SNRK: variants seen among roughly 807,000 people sequenced by gnomAD.
SNRK encodes SNF related kinase, also known as SNF-related serine/threonine-protein kinase.
A neutral mutation model predicts 48.2 loss-of-function variants in SNRK; 3 were observed. The observed-to-expected ratio is 0.06, with a 90% CI of 0.03 to 0.16. SNRK has a LOEUF of 0.16. SNRK is among the 10% of genes least tolerant of loss of function. SNRK has a pLI of 1.00. For missense variants in SNRK, 627 were observed against 976.0 expected, an observed-to-expected ratio of 0.64 and a Z score of 4.76; for synonymous variants, 376 against 366.1, an observed-to-expected ratio of 1.03 and a Z score of -0.31.
intron 3 of SNRK, among the ~76,000 whole-genome samples, chr3:43,311,602 A>G (rs1053268650): frequency 6.6e-6 from 1 of 152,184 alleles, no homozygotes; most frequent in Non-Finnish European, 1.5e-5. Context: ...TTCCTGTGGT[A>G]GAGTGCAGTG....
chr3:43,292,826 T>G (rs1021923541), intron 1 of SNRK, among the ~76,000 whole-genome samples: 8 of 152,198 alleles, frequency 5.3e-5, no homozygotes, highest in Non-Finnish European at 1.2e-4. Flanking sequence ...GGCTCACTTG[T>G]GTAATTATTT....
intron 4 of SNRK, among the ~76,000 whole-genome samples, chr3:43,336,399 A>T (rs1023510130): frequency 6.6e-6 from 1 of 151,810 alleles, no homozygotes. Flanking sequence ...AAAATCATAC[A>T]TAGCTCACTG....
chr3:43,290,518 C>T (rs1304049703), intron 1 of SNRK, among the ~76,000 whole-genome samples: 1 of 152,184 alleles, frequency 6.6e-6, no homozygotes, highest in South Asian at 2.1e-4. Context: ...TTCTTGGATT[C>T]TACTTCCAAA....
At chr3:43,289,511 T>G (rs1032906532) in intron 1 of SNRK, among the ~76,000 whole-genome samples, 2 of 152,202 alleles carry the variant, frequency 1.3e-5, no homozygotes, top group African/African-American at 4.8e-5. Flanking sequence ...TGGTATAAAA[T>G]TCCTCAGATT....
intron 1 of SNRK, among the ~76,000 whole-genome samples, chr3:43,296,380 A>T (rs902648938): frequency 6.9e-6 from 1 of 144,370 alleles, no homozygotes; most frequent in African/African-American, 2.5e-5. Flanking sequence ...GCAAAAACTC[A>T]ACTTTTAGTT....
In SNRK at chr3:43,349,465, A is replaced by T. The variant is rs970639878; in HGVS notation, c.*908A>T. 29 of 152,058 alleles carry T rather than the reference A, an allele frequency of 1.9e-4. No individual in the cohort carries two copies. Among genetic ancestry groups the T allele is most frequent in the African/African-American group, 6.6e-4 (27 of 41,206 alleles). The allele number at this position is 152,058 out of a possible 1,614,324, so 9.4% of individuals were successfully genotyped here. On this transcript the variant is annotated 3_prime_UTR_variant, in exon 7 of 7. Transcript: ENST00000296088. ...GCACACAAATGTTGGCAAAGTCAAAACCCCATGAATTAAAACCTACTGGAA... is the reference window on the plus strand; with the variant it reads ...GCACACAAATGTTGGCAAAGTCAAATCCCCATGAATTAAAACCTACTGGAA...
chr3:43,347,184 G>C lies in SNRK; in HGVS notation c.1080-155G>C. 1.4e-6 allele frequency: 1 copy of C among 720,242 alleles called. No individual in the cohort carries two copies. The highest frequency in any genetic ancestry group is 2.2e-6 in the Non-Finnish European group (1 of 463,590). 44.6% of individuals were successfully genotyped at this position (720,242 alleles called of 1,614,324 possible). A position where few individuals can be genotyped will look rare whatever the true frequency, so the allele number is the denominator to read the frequency against. On this transcript the variant is annotated intron_variant, in intron 6 of 6. Transcript: ENST00000296088. This position sits in a 1 kb window ranked among gnomAD's most constrained non-coding sequence, Gnocchi z 5.4. ...CCACATTTGCCCTTCTGGTGGCCTTGCTGATGTTTACAGGATGTTGAATGG... is the reference window on the plus strand; with the variant it reads ...CCACATTTGCCCTTCTGGTGGCCTTCCTGATGTTTACAGGATGTTGAATGG...
At chr3:43,332,709 A>G (rs1188801171) in intron 4 of SNRK, 1 of 154,212 alleles carries the variant, frequency 6.5e-6, no homozygotes, top group Admixed American at 6.5e-5. Flanking sequence ...GAGTTAGGGC[A>G]TTTTCTTTCC....
In SNRK at chr3:43,347,585, G is replaced by A. The variant is rs751370958; in HGVS notation, c.1326G>A (p.Leu442=). Residue 442 remains leucine, a synonymous_variant, in exon 7 of 7, where the codon CTG becomes CTA. Transcript: ENST00000296088. The surrounding 1 kb of genome is among the most constrained non-coding windows in gnomAD (Gnocchi z 5.4). ...CCACAGCCAGTGGGCGGAAGTGTCT[G>A]TTCAGGGTGGAAGAAGATGAAGAGG... ...LKPTASGRKC[L]FRVEEDEEED... 6.2e-7 allele frequency: 1 copy of A among 1,614,070 alleles called. No individual in the cohort carries two copies. The highest frequency in any genetic ancestry group is 8.5e-7 in the Non-Finnish European group (1 of 1,180,020).
chr3:43,347,197 G>C lies in SNRK; in HGVS notation c.1080-142G>C, dbSNP rs1454793605. ...TCTGGTGGCCTTGCTGATGTTTACA[G>C]GATGTTGAATGGGTTTGCAAGGCTG... On this transcript the variant is annotated intron_variant, in intron 6 of 6. Transcript: ENST00000296088. The surrounding 1 kb of genome is among the most constrained non-coding windows in gnomAD (Gnocchi z 5.4). 4 of 834,054 alleles carry C rather than the reference G, an allele frequency of 4.8e-6. No homozygotes were observed. The highest frequency in any genetic ancestry group is 7.2e-6 in the Non-Finnish European group (4 of 556,580). 51.7% of individuals were successfully genotyped at this position (834,054 alleles called of 1,614,324 possible).
At chr3:43,325,890 T>C (rs2091093328) in intron 3 of SNRK, among the ~76,000 whole-genome samples, 2 of 152,130 alleles carry the variant, frequency 1.3e-5, no homozygotes, top group Non-Finnish European at 2.9e-5. Flanking sequence ...CTCTGAAGCT[T>C]TAGGCCAGGC....
intron 3 of SNRK, among the ~76,000 whole-genome samples, chr3:43,324,270 G>A (rs1449441403): frequency 6.6e-6 from 1 of 152,186 alleles, no homozygotes; most frequent in African/African-American, 2.4e-5. Context: ...AGCACTTTGG[G>A]AGGCCAAGGC....
intron 3 of SNRK, among the ~76,000 whole-genome samples, chr3:43,322,370 C>A (rs1277889899): frequency 6.6e-6 from 1 of 152,002 alleles, no homozygotes; most frequent in Non-Finnish European, 1.5e-5. Context: ...AAGAAAGAGT[C>A]ATAAGAAAAA....
intron 3 of SNRK, among the ~76,000 whole-genome samples, chr3:43,325,438 T>C (rs1363770800): frequency 6.6e-6 from 1 of 152,214 alleles, no homozygotes; most frequent in African/African-American, 2.4e-5. Flanking sequence ...GTGCTGGGAT[T>C]ACAGGTGTGA....
rs2091289263 is a variant in SNRK, at chr3:43,347,843, G to T, written c.1584G>T (p.Arg528=). ...GTACAGTTCACAAACGCTACCACCG[G>T]AGGAAAAGTCAGGGCCGGGGCTCCA... is the stretch of plus-strand genomic sequence containing the variant. ...SPGTVHKRYH[R]RKSQGRGSSC... is the part of the protein sequence containing the mutation. Residue 528 remains arginine (R), a synonymous_variant, in exon 7 of 7, where the codon CGG becomes CGT. Transcript: ENST00000296088. The surrounding 1 kb of genome is among the most constrained non-coding windows in gnomAD (Gnocchi z 5.4). 6.2e-7 allele frequency: 1 copy of T among 1,614,072 alleles called. No homozygotes were observed. Among genetic ancestry groups the T allele is most frequent in the Admixed American group, 1.7e-5 (1 of 60,012 alleles).
chr3:43,298,125 C>T (rs192921784), intron 1 of SNRK, among the ~76,000 whole-genome samples: 1 of 152,116 alleles, frequency 6.6e-6, no homozygotes, highest in Admixed American at 6.5e-5. Flanking sequence ...TCGTTTGATC[C>T]TCACCATATC....
chr3:43,335,562 C>T (rs1470545447), intron 4 of SNRK, among the ~76,000 whole-genome samples: 2 of 152,148 alleles, frequency 1.3e-5, no homozygotes, highest in East Asian at 3.8e-4. Context: ...TGGAGTTCTG[C>T]ATAAATCCTT....
intron 3 of SNRK, among the ~76,000 whole-genome samples, chr3:43,312,435 C>T (rs2090985338): frequency 6.6e-6 from 1 of 152,126 alleles, no homozygotes; most frequent in African/African-American, 2.4e-5. Context: ...TTTTGTCCTA[C>T]ATTAAAATAT....
At chr3:43,293,394 A>T (rs1358673858) in intron 1 of SNRK, among the ~76,000 whole-genome samples, 1 of 152,194 alleles carries the variant, frequency 6.6e-6, no homozygotes, top group Non-Finnish European at 1.5e-5. Flanking sequence ...GGTGTATTTC[A>T]TAGATCTCTT....
Sources: gnomAD v4.1 joint callset for allele counts (sites outside exome capture counted in the v4.1 genomes callset) on GRCh38, gnomAD v4.1.1 for gene constraint, Gnocchi (gnomAD v3.1) non-coding constraint, MANE v1.5 for transcripts, NCBI Gene and HGNC (gene_info 2026-07-23, HGNC 2026-07-21) for gene names.